Variants in ZNF804A observed in about 807,000 individuals in gnomAD.
ZNF804A encodes zinc finger protein 804A.
A neutral mutation model predicts 16.5 loss-of-function variants in ZNF804A; 2 were observed. The observed-to-expected ratio is 0.12, with a 90% CI of 0.05 to 0.38. The LOEUF (loss-of-function observed/expected upper bound fraction) is 0.38, where lower values mean the gene tolerates loss of function less well. ZNF804A is among the 10% of genes least tolerant of loss of function. ZNF804A has a pLI of 0.99. For synonymous variants in ZNF804A, 534 were observed against 489.6 expected, an observed-to-expected ratio of 1.09 and a Z score of -1.20; for missense variants, 1,473 against 1,390.7, an observed-to-expected ratio of 1.06 and a Z score of -0.94.
Position 184,936,883 on chromosome 2 carries a change from C to T in ZNF804A, c.1487C>T (p.Pro496Leu), listed in dbSNP as rs2105844177. ...QQKQEDICMG[P>L]LSDYKDVSTE... ...AAGCAGGAAGACATTTGCATGGGAC[C>T]ACTTTCAGATTACAAGGATGTATCT... Residue 496 changes from proline (P) to leucine (L), a missense_variant, in exon 4 of 4, where the codon CCA becomes CTA. Pro to Leu is a moderately conservative substitution (Grantham distance 98). Coordinates refer to ENST00000302277, the MANE Select transcript of ZNF804A (RefSeq NM_194250.2). 2 of 1,613,414 alleles carry T rather than the reference C, an allele frequency of 1.2e-6. No individual in the cohort carries two copies. Among genetic ancestry groups the T allele is most frequent in the Non-Finnish European group, 1.7e-6 (2 of 1,179,724 alleles).
intron 1 of ZNF804A, among the ~76,000 whole-genome samples, chr2:184,678,787 A>G (rs928132215): frequency 6.6e-6 from 1 of 152,194 alleles, no homozygotes; most frequent in African/African-American, 2.4e-5. Flanking sequence ...ACATACCAAA[A>G]TGTATGTGTA....
chr2:184,666,625 G>A (rs796572701), intron 1 of ZNF804A, among the ~76,000 whole-genome samples: 66 of 152,076 alleles, frequency 4.3e-4, no homozygotes, highest in African/African-American at 1.6e-3. Context: ...CTTATGATCA[G>A]CAGAAATTCT....
chr2:184,933,423 T>C (rs1259939805), intron 2 of ZNF804A, among the ~76,000 whole-genome samples, 180 bp from the exon 3 acceptor site: 1 of 152,176 alleles, frequency 6.6e-6, no homozygotes, highest in Non-Finnish European at 1.5e-5. Flanking sequence ...ATGCTTTGGC[T>C]TTTTCACAAG....
chr2:184,691,360 G>T lies in ZNF804A; in HGVS notation c.111+92290G>T, dbSNP rs140928213. On this transcript the variant is annotated intron_variant, in intron 1 of 3. Coordinates refer to ENST00000302277, the MANE Select transcript of ZNF804A (RefSeq NM_194250.2). The stretch of plus-strand genomic sequence containing the variant: ...TCTAGAATAAGTTGATGCTCTACAG[G>T]ATTTATGTTCCTTTTGTTCCAAGTC... Among the ~76,000 whole-genome samples the T allele has an allele frequency of 9.9e-3, 1,500 of 151,716 alleles. 36 individuals are homozygous for T. The highest frequency in any genetic ancestry group is 0.034 in the African/African-American group (1,418 of 41,402).
intron 1 of ZNF804A, among the ~76,000 whole-genome samples, chr2:184,792,148 G>C (rs909168562): frequency 1.8e-4 from 28 of 152,118 alleles, no homozygotes; most frequent in Admixed American, 1.3e-4. Flanking sequence ...TTTTGTACGG[G>C]CTTAAGCTTT....
At chr2:184,926,517 C>T (rs1319490612) in intron 2 of ZNF804A, among the ~76,000 whole-genome samples, 1 of 151,882 alleles carries the variant, frequency 6.6e-6, no homozygotes, top group African/African-American at 2.4e-5. Flanking sequence ...GTTCTATAAC[C>T]TTCTTTTACT....
intron 1 of ZNF804A, among the ~76,000 whole-genome samples, chr2:184,768,169 A>G (rs948824782): frequency 3.9e-5 from 6 of 152,246 alleles, no homozygotes; most frequent in Admixed American, 3.9e-4. Flanking sequence ...AACTATTTGC[A>G]TAGCATTACC....
chr2:184,761,369 G>A (rs1694034301), intron 1 of ZNF804A, among the ~76,000 whole-genome samples: 1 of 152,066 alleles, frequency 6.6e-6, no homozygotes, highest in African/African-American at 2.4e-5. Flanking sequence ...GGATAAATTT[G>A]TAAATCAAAT....
intron 2 of ZNF804A, among the ~76,000 whole-genome samples, chr2:184,903,525 G>A (rs1319001941): frequency 6.6e-6 from 1 of 152,062 alleles, no homozygotes; most frequent in Non-Finnish European, 1.5e-5. Flanking sequence ...ACTCTATTAT[G>A]GTTGCACAGT....
At chr2:184,825,974 C>A (rs897411987) in intron 1 of ZNF804A, among the ~76,000 whole-genome samples, 1 of 151,950 alleles carries the variant, frequency 6.6e-6, no homozygotes, top group Non-Finnish European at 1.5e-5. Context: ...CAGAGTCAAG[C>A]GATTCTGTTA....
At chr2:184,886,243 T>A (rs1473034313) in intron 2 of ZNF804A, among the ~76,000 whole-genome samples, 1 of 152,148 alleles carries the variant, frequency 6.6e-6, no homozygotes, top group Non-Finnish European at 1.5e-5. Flanking sequence ...CAAAATGATC[T>A]CCTTTGACTC....
chr2:184,654,535 C>A (rs1436217169), intron 1 of ZNF804A, among the ~76,000 whole-genome samples: 1 of 152,034 alleles, frequency 6.6e-6, no homozygotes, highest in African/African-American at 2.4e-5. Flanking sequence ...TTTGTATATT[C>A]AATGTCTCAG....
intron 1 of ZNF804A, among the ~76,000 whole-genome samples, chr2:184,840,243 A>T (rs1459557426): frequency 2.6e-5 from 4 of 152,124 alleles, no homozygotes; most frequent in Non-Finnish European, 5.9e-5. Context: ...CACAAAAATT[A>T]CCTGGACATG....
chr2:184,931,584 C>A (rs1410037206), intron 2 of ZNF804A, among the ~76,000 whole-genome samples: 1 of 152,124 alleles, frequency 6.6e-6, no homozygotes, highest in East Asian at 1.9e-4. Flanking sequence ...TGGGTCTGGC[C>A]CACAAAACCA....
intron 2 of ZNF804A, among the ~76,000 whole-genome samples, chr2:184,894,875 A>G (rs1443869448): frequency 1.3e-5 from 2 of 151,774 alleles, no homozygotes; most frequent in Non-Finnish European, 2.9e-5. Flanking sequence ...TTTTGTTTTT[A>G]GTAGAGGCGG....
intron 1 of ZNF804A, among the ~76,000 whole-genome samples, chr2:184,772,458 CATT>C (rs771853341): frequency 3.3e-5 from 5 of 151,998 alleles, no homozygotes; most frequent in Admixed American, 2.6e-4. Flanking sequence ...TAGGATATAT[CATT>C]ATGTCACTCT....
chr2:184,674,232 A>G (rs955226484), intron 1 of ZNF804A, among the ~76,000 whole-genome samples: 1 of 152,052 alleles, frequency 6.6e-6, no homozygotes, highest in South Asian at 2.1e-4. Flanking sequence ...GTAGAAATTT[A>G]AAATATTTAT....
chr2:184,855,599 C>CAT (rs1695673912), intron 1 of ZNF804A, among the ~76,000 whole-genome samples: 1 of 108,356 alleles, frequency 9.2e-6, no homozygotes, highest in South Asian at 2.7e-4. Context: ...TGTACACATA[C>CAT]ACATATATAT....
rs1306258965 is a variant in ZNF804A, at chr2:184,666,867, T to G, written c.111+67797T>G. Among the ~76,000 whole-genome samples, 4 of 152,102 alleles carry G rather than the reference T, an allele frequency of 2.6e-5. No homozygotes were observed. The East Asian group carries it at 7.7e-4, about 29-fold the overall frequency. ...GGGAAATATACGTGTATAAAATACA[T>G]TGCTAGAAAAATTGAATTGCAGAAA... is the stretch of plus-strand genomic sequence containing the variant. On this transcript the variant is annotated intron_variant, in intron 1 of 3. Transcript: ENST00000302277.
Sources: allele counts gnomAD v4.1 joint callset (sites outside exome capture counted in the v4.1 genomes callset), GRCh38; gene constraint gnomAD v4.1.1; transcripts MANE v1.5; gene names NCBI Gene and HGNC (gene_info 2026-07-23, HGNC 2026-07-21).